MRTFB: variants seen among roughly 807,000 people sequenced by gnomAD.
The protein encoded by MRTFB is myocardin related transcription factor B, also known as myocardin-related transcription factor B.
In MRTFB, 29 loss-of-function variants were observed where a neutral mutation model predicts 104.2. The observed-to-expected ratio is 0.28, with a 90% CI of 0.21 to 0.38. The LOEUF (loss-of-function observed/expected upper bound fraction) is 0.38, where lower values mean the gene tolerates loss of function less well. MRTFB is among the 10% of genes least tolerant of loss of function. MRTFB has a pLI of 1.00. For missense variants in MRTFB, 1,270 were observed against 1,341.6 expected, an observed-to-expected ratio of 0.95 and a Z score of 0.83; for synonymous variants, 535 against 519.5, an observed-to-expected ratio of 1.03 and a Z score of -0.41.
At chr16:14,107,584 A>C (rs1245293126) in intron 2 of MRTFB, among the ~76,000 whole-genome samples, 3 of 152,236 alleles carry the variant, frequency 2.0e-5, no homozygotes, top group Non-Finnish European at 4.4e-5. Flanking sequence ...GACAGACTTC[A>C]TTTTGGTCTC....
chr16:14,258,126 T>G lies in MRTFB; in HGVS notation c.2729T>G (p.Met910Arg). ...ATTTCCAACGCTCACAGTCAGCAGA[T>G]GGATGACCTCTTTGATATCCTCATT... ...PEISNAHSQQ[M>R]DDLFDILIKS... Residue 910 changes from methionine to arginine, a missense_variant, in exon 16 of 17, where the codon ATG becomes AGG. Met to Arg is a moderately conservative substitution (Grantham distance 91). Coordinates refer to ENST00000571589, the MANE Select transcript of MRTFB (RefSeq NM_001308142.2). 6.2e-7 allele frequency: 1 copy of G among 1,614,064 alleles called. No homozygotes were observed. Among genetic ancestry groups the G allele is most frequent in the Non-Finnish European group, 8.5e-7 (1 of 1,179,938 alleles).
chr16:14,244,910 A>G (rs1456163977), intron 10 of MRTFB, among the ~76,000 whole-genome samples: 1 of 152,180 alleles, frequency 6.6e-6, no homozygotes, highest in Non-Finnish European at 1.5e-5. Flanking sequence ...TGTTTAAGAA[A>G]TCTTTGTCTA....
intron 2 of MRTFB, among the ~76,000 whole-genome samples, chr16:14,137,232 T>A (rs2037766605): frequency 6.6e-6 from 1 of 152,186 alleles, no homozygotes; most frequent in South Asian, 2.1e-4. Context: ...CTATACCCTC[T>A]CAAAAATGTT....
At chr16:14,029,463 T>C in the MRTFB span, among the ~76,000 whole-genome samples, 1 of 116,094 alleles carries the variant, frequency 8.6e-6, no homozygotes, top group Non-Finnish European at 1.9e-5. Context: ...CACACACATA[T>C]ATATAAACAC....
chr16:14,137,310 C>G (rs1224119938), intron 2 of MRTFB, among the ~76,000 whole-genome samples: 1 of 151,936 alleles, frequency 6.6e-6, no homozygotes, highest in African/African-American at 2.4e-5. Flanking sequence ...TAAAGATTTC[C>G]TTAGCTTATA....
chr16:14,261,580 C>A lies in MRTFB; in HGVS notation c.*136C>A. ...GTCACAGAAAGAATAGGTGGAAGGT[C>A]ATAGCCTGGAACCCAAGTTTGAAAA... On this transcript the variant is annotated 3_prime_UTR_variant, in exon 17 of 17. Transcript: ENST00000571589. The A allele has an allele frequency of 1.1e-6, 1 of 908,016 alleles. No homozygotes were observed. The highest frequency in any genetic ancestry group is 1.7e-5 in the African/African-American group (1 of 60,044). The allele number at this position is 908,016 out of a possible 1,614,324, so 56.2% of individuals were successfully genotyped here.
intron 3 of MRTFB, among the ~76,000 whole-genome samples, chr16:14,173,121 G>GT (rs1360269737): frequency 3.3e-5 from 5 of 151,808 alleles, no homozygotes; most frequent in Non-Finnish European, 7.4e-5. Context: ...GAGTTTTTTT[G>GT]TTTTTTGTTT....
rs373547321 is a variant in MRTFB at position 14,210,208 on chromosome 16, G to A, written c.155-35G>A. ...ACATAAATCGGATCCCACAGTTGCC[G>A]ATAAACTCCAATGGTGATTATTTCC... is the stretch of plus-strand genomic sequence containing the variant. On this transcript the variant is annotated intron_variant, in intron 3 of 16. Coordinates refer to ENST00000571589, the MANE Select transcript of MRTFB (RefSeq NM_001308142.2). 59 of 1,569,438 alleles carry A rather than the reference G, an allele frequency of 3.8e-5. No homozygotes were observed. In the African/African-American group the frequency reaches 4.6e-4, roughly 12 times the overall value.
chr16:14,252,319 G>C (rs1455301212), intron 14 of MRTFB, 46 bp from the exon 15 acceptor site: 1 of 1,591,892 alleles, frequency 6.3e-7, no homozygotes, highest in East Asian at 2.2e-5. Context: ...GAAAAGAGAG[G>C]TTTATTGCCA....
In MRTFB at chr16:14,247,365, C is replaced by G; in HGVS notation, c.2105C>G (p.Ser702Cys). Residue 702 changes from serine (S) to cysteine (C), a missense_variant, in exon 12 of 17, where the codon TCC becomes TGC. Physicochemically the swap from Ser to Cys is moderately radical, Grantham distance 112. Transcript: ENST00000571589. ...GTCGTCTCGCAGTTTTATGTGAGTT[C>G]CCAGGGACAGCCACCGCCTGCTGTT... ...QSVVSQFYVSSQGQPPPAVVA... is the reference protein window; with the variant it reads ...QSVVSQFYVSCQGQPPPAVVA... 1 of 1,614,084 alleles carries G rather than the reference C, an allele frequency of 6.2e-7. No individual in the cohort carries two copies. Among genetic ancestry groups the G allele is most frequent in the African/African-American group, 1.3e-5 (1 of 75,030 alleles).
intron 3 of MRTFB, among the ~76,000 whole-genome samples, chr16:14,195,255 T>C (rs1255738465): frequency 1.3e-5 from 2 of 152,162 alleles, no homozygotes; most frequent in Non-Finnish European, 1.5e-5. Flanking sequence ...ACCAGAACAA[T>C]TGGCTTTTGT....
chr16:14,054,508 T>C, the MRTFB span, among the ~76,000 whole-genome samples: 3 of 152,208 alleles, frequency 2.0e-5, no homozygotes, highest in South Asian at 6.2e-4. Flanking sequence ...TGAGCCACCA[T>C]GACCGGCCCT....
chr16:14,253,379 A>G (rs2043336131), intron 15 of MRTFB, among the ~76,000 whole-genome samples: 2 of 152,194 alleles, frequency 1.3e-5, no homozygotes, highest in South Asian at 4.1e-4. Context: ...ACTGTTTATT[A>G]TCCACGGCAA....
chr16:14,037,843 G>A, the MRTFB span, among the ~76,000 whole-genome samples: 2 of 152,182 alleles, frequency 1.3e-5, no homozygotes, highest in Admixed American at 1.3e-4. Context: ...TCTACCTGTG[G>A]GGCTTGCTCT....
chr16:13,994,813 GA>G, the MRTFB span, among the ~76,000 whole-genome samples: 2 of 152,138 alleles, frequency 1.3e-5, no homozygotes, highest in Non-Finnish European at 2.9e-5. Flanking sequence ...AATAAGTAAT[GA>G]ACTCATCTTG....
chr16:14,227,560 G>A (rs1473492154), intron 8 of MRTFB, among the ~76,000 whole-genome samples: 1 of 152,018 alleles, frequency 6.6e-6, no homozygotes, highest in African/African-American at 2.4e-5. Context: ...TGCCCAGGCT[G>A]GAGTGCAGTG....
intron 15 of MRTFB, among the ~76,000 whole-genome samples, chr16:14,256,219 G>A (rs1408615111): frequency 1.5e-5 from 2 of 133,412 alleles, no homozygotes; most frequent in Non-Finnish European, 3.1e-5. Flanking sequence ...CCCCAGATGG[G>A]ATGAATAGAA....
chr16:14,164,747 T>C (rs999315579), intron 3 of MRTFB, among the ~76,000 whole-genome samples: 6 of 152,320 alleles, frequency 3.9e-5, no homozygotes, highest in African/African-American at 1.2e-4. Flanking sequence ...AAGGGACTAA[T>C]AGGAACTGAA....
intron 6 of MRTFB, among the ~76,000 whole-genome samples, chr16:14,215,466 G>A (rs1216721855): frequency 1.3e-5 from 2 of 152,196 alleles, no homozygotes; most frequent in African/African-American, 4.8e-5. Flanking sequence ...AGAGGAATAA[G>A]ACCAGGAACA....
Sources: allele counts gnomAD v4.1 joint callset (sites outside exome capture counted in the v4.1 genomes callset), GRCh38; gene constraint gnomAD v4.1.1; transcripts MANE v1.5; gene names NCBI Gene and HGNC (gene_info 2026-07-23, HGNC 2026-07-21).